The following LSAMP variants were observed in gnomAD, a reference collection of about 807,000 sequenced individuals.
LSAMP encodes limbic system-associated membrane protein.
A neutral mutation model predicts 38.6 loss-of-function variants in LSAMP; 7 were observed. The ratio of observed to expected loss-of-function variants is 0.18; its 90% CI spans 0.10 to 0.34. The LOEUF is 0.34. Ranked by LOEUF, LSAMP falls within the 10% of genes least tolerant of loss-of-function variation. The pLI is 1.00. For missense variants in LSAMP, 313 were observed against 420.0 expected, an observed-to-expected ratio of 0.75 and a Z score of 2.23; for synonymous variants, 154 against 166.8, an observed-to-expected ratio of 0.92 and a Z score of 0.59.
At chr3:115,904,912 T>C (rs1046829632) in intron 3 of LSAMP, among the ~76,000 whole-genome samples, 21 of 152,164 alleles carry the variant, frequency 1.4e-4, no homozygotes, top group African/African-American at 5.1e-4. Context: ...TTTGGACCCG[T>C]AGAGAACTTT....
chr3:116,152,963 T>C (rs1709645597), intron 1 of LSAMP, among the ~76,000 whole-genome samples: 1 of 152,058 alleles, frequency 6.6e-6, no homozygotes, highest in Admixed American at 6.6e-5. Flanking sequence ...GTCTCAGCTA[T>C]ACAAATATAT....
At chr3:115,849,742 A>G (rs949334816) in intron 4 of LSAMP, among the ~76,000 whole-genome samples, 15 of 152,206 alleles carry the variant, frequency 9.9e-5, no homozygotes, top group African/African-American at 3.6e-4. Context: ...TCATCTACTT[A>G]ATACAACTAT....
At chr3:116,099,026 G>A (rs1449778581) in intron 1 of LSAMP, among the ~76,000 whole-genome samples, 1 of 152,214 alleles carries the variant, frequency 6.6e-6, no homozygotes, top group Non-Finnish European at 1.5e-5. Context: ...GGTGATGAAA[G>A]TGAAGGGAGG....
chr3:116,069,251 T>A (rs925854205), intron 2 of LSAMP, among the ~76,000 whole-genome samples: 1 of 152,212 alleles, frequency 6.6e-6, no homozygotes, highest in Admixed American at 6.5e-5. Flanking sequence ...TTTCCACATG[T>A]CCTAGTTCTG....
intron 1 of LSAMP, among the ~76,000 whole-genome samples, chr3:116,202,212 T>A (rs1458336229): frequency 6.6e-6 from 1 of 151,862 alleles, no homozygotes; most frequent in East Asian, 1.9e-4. Flanking sequence ...ATCATCTCAC[T>A]GCAACCTCCA....
chr3:115,997,675 G>A (rs1939851839), intron 3 of LSAMP, among the ~76,000 whole-genome samples: 1 of 138,758 alleles, frequency 7.2e-6, no homozygotes, highest in African/African-American at 2.7e-5. Flanking sequence ...GTGTAGCTAG[G>A]GTGGGGTTTC....
chr3:116,030,892 C>T (rs1270515568), intron 2 of LSAMP, among the ~76,000 whole-genome samples: 1 of 152,104 alleles, frequency 6.6e-6, no homozygotes, highest in African/African-American at 2.4e-5. Flanking sequence ...ACTCCTTATT[C>T]CAGGGGAAGC....
At chr3:116,210,670 C>T (rs1463212798) in intron 1 of LSAMP, among the ~76,000 whole-genome samples, 1 of 152,160 alleles carries the variant, frequency 6.6e-6, no homozygotes, top group East Asian at 1.9e-4. Flanking sequence ...CTAATAAACT[C>T]CCCTTCATAT....
intron 2 of LSAMP, among the ~76,000 whole-genome samples, chr3:116,083,035 A>G (rs1707906031): frequency 6.6e-6 from 1 of 152,206 alleles, no homozygotes; most frequent in Admixed American, 6.5e-5. Context: ...TTTTTAAAAA[A>G]GAAGCTCTCT....
At chr3:115,979,132 A>AT (rs1166791788) in intron 3 of LSAMP, among the ~76,000 whole-genome samples, 6 of 152,008 alleles carry the variant, frequency 3.9e-5, no homozygotes, top group South Asian at 2.1e-4. Context: ...TATCTTAAAG[A>AT]TTTTTTTTAA....
intron 1 of LSAMP, among the ~76,000 whole-genome samples, chr3:116,312,831 T>C (rs1197337318): frequency 6.6e-6 from 1 of 152,202 alleles, no homozygotes; most frequent in Non-Finnish European, 1.5e-5. Context: ...TATTTGTCTT[T>C]GCAAGTGTGT....
intron 3 of LSAMP, among the ~76,000 whole-genome samples, chr3:115,991,952 C>A (rs1939682455): frequency 6.6e-6 from 1 of 152,012 alleles, no homozygotes; most frequent in African/African-American, 2.4e-5. Context: ...CTTTTCCCCA[C>A]CCATGTTTGC....
intron 3 of LSAMP, among the ~76,000 whole-genome samples, chr3:116,006,314 G>A (rs1315740039): frequency 1.3e-5 from 2 of 152,018 alleles, no homozygotes. Flanking sequence ...GGTGGTCATC[G>A]ACAAGCCAGA....
intron 1 of LSAMP, among the ~76,000 whole-genome samples, chr3:116,254,765 G>T (rs553189580): frequency 7.9e-5 from 12 of 152,266 alleles, no homozygotes; most frequent in African/African-American, 2.9e-4. Context: ...ATGGTTGACA[G>T]TATTTCCCAG....
intron 1 of LSAMP, among the ~76,000 whole-genome samples, chr3:116,422,039 C>T (rs918678306): frequency 2.6e-5 from 4 of 152,094 alleles, no homozygotes; most frequent in African/African-American, 4.8e-5. Context: ...TGTCCATTAA[C>T]GGGTGAATGG....
At chr3:116,035,251 T>C (rs1005085097) in intron 2 of LSAMP, among the ~76,000 whole-genome samples, 2 of 152,202 alleles carry the variant, frequency 1.3e-5, no homozygotes, top group African/African-American at 4.8e-5. Flanking sequence ...TTAAATTTTA[T>C]ATGCTACTGC....
chr3:116,392,747 A>T (rs1029342344), intron 1 of LSAMP, among the ~76,000 whole-genome samples: 54 of 152,178 alleles, frequency 3.5e-4, no homozygotes, highest in African/African-American at 1.3e-3. Context: ...ATGGTCACCC[A>T]TGGACCAATC....
At chr3:116,091,030 C>T (rs756167069) in intron 1 of LSAMP, among the ~76,000 whole-genome samples, 6 of 152,228 alleles carry the variant, frequency 3.9e-5, no homozygotes, top group Middle Eastern at 3.4e-3. Flanking sequence ...AGCCTGGGAG[C>T]GCTATGGGAG....
intron 1 of LSAMP, among the ~76,000 whole-genome samples, chr3:116,163,330 G>GT (rs1158353363): frequency 4.5e-4 from 67 of 149,922 alleles, no homozygotes; most frequent in African/African-American, 1.6e-3. Context: ...GTGGTGTTTG[G>GT]TTTTTTGTTC....
Sources: allele counts gnomAD v4.1 joint callset (sites outside exome capture counted in the v4.1 genomes callset), GRCh38; gene constraint gnomAD v4.1.1; transcripts MANE v1.5; gene names NCBI Gene and HGNC (gene_info 2026-07-23, HGNC 2026-07-21).